The following KIF26B variants were observed in gnomAD, a reference collection of about 807,000 sequenced individuals.
KIF26B encodes kinesin-like protein KIF26B.
In KIF26B, 63 loss-of-function variants were observed where a neutral mutation model predicts 151.2. The ratio of observed to expected loss-of-function variants is 0.42; its 90% CI spans 0.34 to 0.51. KIF26B has a LOEUF of 0.51. KIF26B is among the 20% of genes least tolerant of loss of function. The probability of loss-of-function intolerance (pLI) is 0.07; values close to 1 mark genes in which losing one functional copy is unlikely to be tolerated. For synonymous variants in KIF26B, 1,357 were observed against 1,262.1 expected, an observed-to-expected ratio of 1.08 and a Z score of -1.59; for missense variants, 2,813 against 2,913.6, an observed-to-expected ratio of 0.97 and a Z score of 0.79.
intron 2 of KIF26B, among the ~76,000 whole-genome samples, chr1:245,278,634 G>T (rs1187806473): frequency 6.6e-6 from 1 of 152,120 alleles, no homozygotes; most frequent in Non-Finnish European, 1.5e-5. Flanking sequence ...GGTGATGGGG[G>T]TTCCCTAGAA....
intron 4 of KIF26B, among the ~76,000 whole-genome samples, chr1:245,473,487 A>C (rs975923273): frequency 6.8e-6 from 1 of 147,196 alleles, no homozygotes; most frequent in Non-Finnish European, 1.6e-5. Flanking sequence ...AAGAGGCTGA[A>C]TTCTATATTC....
chr1:245,469,869 C>T (rs531239840), intron 4 of KIF26B, among the ~76,000 whole-genome samples: 1 of 152,162 alleles, frequency 6.6e-6, no homozygotes, highest in African/African-American at 2.4e-5. Flanking sequence ...AGGATACAAT[C>T]TAGTCTCTGA....
intron 4 of KIF26B, among the ~76,000 whole-genome samples, chr1:245,422,379 G>A (rs967979277): frequency 7.2e-5 from 11 of 152,010 alleles, no homozygotes; most frequent in Admixed American, 4.6e-4. Flanking sequence ...CTCCCAGCGA[G>A]GGAGGCAGCA....
intron 2 of KIF26B, among the ~76,000 whole-genome samples, chr1:245,265,717 C>T (rs1320270950): frequency 6.6e-6 from 1 of 151,896 alleles, no homozygotes; most frequent in Non-Finnish European, 1.5e-5. Flanking sequence ...CCTCCCACCT[C>T]AGCTAGGACT....
At chr1:245,202,144 A>G (rs1045074010) in intron 2 of KIF26B, among the ~76,000 whole-genome samples, 3 of 152,170 alleles carry the variant, frequency 2.0e-5, no homozygotes, top group African/African-American at 7.2e-5. Context: ...CCCTTTCATG[A>G]GAGCCACTAT....
chr1:245,662,328 G>T (rs1269677579), intron 10 of KIF26B, among the ~76,000 whole-genome samples: 1 of 145,192 alleles, frequency 6.9e-6, no homozygotes, highest in African/African-American at 2.6e-5. Context: ...CACACCTAAT[G>T]ATATATACAC....
intron 2 of KIF26B, among the ~76,000 whole-genome samples, chr1:245,324,821 A>T (rs538520932): frequency 6.6e-6 from 1 of 152,122 alleles, no homozygotes; most frequent in South Asian, 2.1e-4. Context: ...GGGGCCGGGC[A>T]CGGTGGCTCA....
At chr1:245,277,900 A>G (rs1440781556) in intron 2 of KIF26B, among the ~76,000 whole-genome samples, 4 of 152,090 alleles carry the variant, frequency 2.6e-5, no homozygotes, top group African/African-American at 7.2e-5. Context: ...CTGAATATCT[A>G]TTGTAGCTTC....
rs1235528211 is a variant in KIF26B, at chr1:245,557,242, C to G, written c.1350+16292C>G. Among the ~76,000 whole-genome samples the G allele has an allele frequency of 2.6e-5, 4 of 152,358 alleles. No homozygotes were observed. The East Asian group carries it at 7.7e-4, about 29-fold the overall frequency. On this transcript the variant is annotated intron_variant, in intron 5 of 14. Transcript: ENST00000407071. ...TGGTATTCATATAGGTTGACCTTCA[C>G]TTGGCAGAACAGTCTGAACAGGTGC...
intron 2 of KIF26B, among the ~76,000 whole-genome samples, chr1:245,210,553 T>C (rs575580079): frequency 1.3e-5 from 2 of 150,514 alleles, no homozygotes; most frequent in East Asian, 1.9e-4. Flanking sequence ...TTGTGGGATT[T>C]TTTTCCCCAA....
intron 9 of KIF26B, among the ~76,000 whole-genome samples, chr1:245,640,122 G>GCTCTCTCTCTCTCTCTCTCTCTCT (rs376565844): frequency 0.018 from 987 of 53,520 alleles, 136 homozygotes; most frequent in East Asian, 0.023. Flanking sequence ...ACTAATATTT[G>GCTCTCTCTCTCTCTCTCTCTCTCT]CTCTCTCTCT....
chr1:245,541,437 G>A (rs1001721983), intron 5 of KIF26B, among the ~76,000 whole-genome samples: 3 of 152,246 alleles, frequency 2.0e-5, no homozygotes, highest in African/African-American at 7.2e-5. Flanking sequence ...TAGCCAACAA[G>A]TGCGATTTCG....
intron 4 of KIF26B, among the ~76,000 whole-genome samples, chr1:245,535,443 T>A (rs951215817): frequency 2.0e-5 from 3 of 152,212 alleles, no homozygotes; most frequent in African/African-American, 7.2e-5. Context: ...TTTTTCTGCA[T>A]TGAAGCCAAC....
At chr1:245,238,415 C>T (rs1670153429) in intron 2 of KIF26B, among the ~76,000 whole-genome samples, 1 of 152,176 alleles carries the variant, frequency 6.6e-6, no homozygotes, top group East Asian at 1.9e-4. Context: ...AGCAGTGCTT[C>T]TCAAACTGTA....
At chr1:245,208,578 T>C (rs1035627552) in intron 2 of KIF26B, among the ~76,000 whole-genome samples, 1 of 152,152 alleles carries the variant, frequency 6.6e-6, no homozygotes, top group African/African-American at 2.4e-5. Context: ...GTTAAAGATG[T>C]TGAGGTGGAG....
chr1:245,674,723 T>C (rs2044336193), intron 10 of KIF26B, among the ~76,000 whole-genome samples: 1 of 152,178 alleles, frequency 6.6e-6, no homozygotes. Flanking sequence ...AGCTAATAAG[T>C]TGTACATATT....
intron 10 of KIF26B, among the ~76,000 whole-genome samples, chr1:245,671,874 G>A (rs1355197960): frequency 6.6e-6 from 1 of 152,212 alleles, no homozygotes. Flanking sequence ...AGGCACGAAA[G>A]CTCACAGCGT....
intron 5 of KIF26B, among the ~76,000 whole-genome samples, chr1:245,588,198 G>A (rs142681180): frequency 7.2e-5 from 11 of 152,242 alleles, no homozygotes; most frequent in African/African-American, 2.6e-4. Flanking sequence ...AACAGACTGG[G>A]ATTAGGTAAT....
chr1:245,261,269 C>T lies in KIF26B; in HGVS notation c.465+104586C>T, dbSNP rs914380528. Among the ~76,000 whole-genome samples the T allele has an allele frequency of 5.6e-4, 85 of 151,730 alleles. 1 individual carries two copies. The highest frequency in any genetic ancestry group is 1.0e-4 in the Non-Finnish European group (7 of 67,966). On this transcript the variant is annotated intron_variant, in intron 2 of 14. Coordinates refer to ENST00000407071, the MANE Select transcript of KIF26B (RefSeq NM_018012.4). ...CAAGCAGTTCTCCTGCCTCAGCCTCCCGAGTAGCTGGGATTACAGGCCTGG... is the reference window on the plus strand; with the variant it reads ...CAAGCAGTTCTCCTGCCTCAGCCTCTCGAGTAGCTGGGATTACAGGCCTGG...
Sources: gnomAD v4.1 joint callset for allele counts (sites outside exome capture counted in the v4.1 genomes callset) on GRCh38, gnomAD v4.1.1 for gene constraint, MANE v1.5 for transcripts, NCBI Gene and HGNC (gene_info 2026-07-23, HGNC 2026-07-21) for gene names.